The following KIAA1614 variants were observed in gnomAD, a reference collection of about 807,000 sequenced individuals.
The protein encoded by KIAA1614 is KIAA1614, also known as uncharacterized protein KIAA1614.
Under a neutral mutation model 88.7 loss-of-function variants are expected in KIAA1614, and 76 were observed. That is an observed-to-expected ratio of 0.86 (90% CI 0.71 to 1.04). The LOEUF (loss-of-function observed/expected upper bound fraction) is 1.04, where lower values mean the gene tolerates loss of function less well. Ranked by LOEUF, KIAA1614 falls within the 50% of genes least tolerant of loss-of-function variation. KIAA1614 has a pLI of 0.00. For synonymous variants in KIAA1614, 714 were observed against 675.5 expected (o/e 1.06, Z -0.88); for missense variants, 1,553 against 1,582.5 (o/e 0.98, Z 0.32).
chr1:180,942,938 T>C (rs1485610745), intron 7 of KIAA1614, among the ~76,000 whole-genome samples: 4 of 152,106 alleles, frequency 2.6e-5, no homozygotes, highest in African/African-American at 9.7e-5. Flanking sequence ...GAAGAATCTG[T>C]CTCCCCTGCA....
intron 8 of KIAA1614, 69 bp from the exon 9 acceptor site, chr1:180,945,234 A>T: frequency 6.7e-7 from 1 of 1,491,190 alleles, no homozygotes; most frequent in Non-Finnish European, 8.9e-7. Flanking sequence ...GGTCATCTGT[A>T]AGCCAGGGAA....
At position 180,916,196 on chromosome 1, in the gene KIAA1614, G is replaced by C; in HGVS notation, c.93G>C (p.Gly31=). The C allele has an allele frequency of 6.2e-7, 1 of 1,600,730 alleles. No homozygotes were observed. The highest frequency in any genetic ancestry group is 2.2e-5 in the East Asian group (1 of 44,784). Residue 31 remains glycine (G), a synonymous_variant, in exon 2 of 9, where the codon GGG becomes GGC. Coordinates refer to ENST00000367588, the MANE Select transcript of KIAA1614 (RefSeq NM_020950.2). ...GTGGAACAGCCAGCCCCGTGGAGGG[G>C]ACCTCAGCTGTGGAGTGGAGTGGTC... ...TGSGTASPVE[G]TSAVEWSGPE...
At chr1:180,927,677 A>G (rs1221387259) in intron 3 of KIAA1614, among the ~76,000 whole-genome samples, 1 of 151,958 alleles carries the variant, frequency 6.6e-6, no homozygotes, top group Non-Finnish European at 1.5e-5. Context: ...GACTGCTGTC[A>G]TTTTCTGCCA....
chr1:180,942,242 A>G (rs1023005729), intron 7 of KIAA1614, among the ~76,000 whole-genome samples: 5 of 152,232 alleles, frequency 3.3e-5, no homozygotes, highest in Non-Finnish European at 7.3e-5. Flanking sequence ...CAGTACGCAC[A>G]ATACATACTG....
chr1:180,936,748 C>T, intron 5 of KIAA1614, 78 bp downstream of exon 5: 1 of 927,448 alleles, frequency 1.1e-6, no homozygotes. Context: ...CAATCCATGA[C>T]ACACAGGCCT....
In KIAA1614 at chr1:180,913,170, G is replaced by A; in HGVS notation, c.-74G>A. ...TCCCTCCGGCCCCGGATTCGGGGCT[G>A]GAAGTCCCTCCCCGAACCCAGCAGC... On this transcript the variant is annotated 5_prime_UTR_variant, in exon 1 of 9. Transcript: ENST00000367588. 8.7e-7 allele frequency: 1 copy of A among 1,152,166 alleles called. No homozygotes were observed. Among genetic ancestry groups the A allele is most frequent in the Non-Finnish European group, 1.1e-6 (1 of 904,630 alleles). The allele number at this position is 1,152,166 out of a possible 1,614,324, so 71.4% of individuals were successfully genotyped here.
chr1:180,935,627 T>C lies in KIAA1614; in HGVS notation c.1718T>C (p.Leu573Pro). The C allele has an allele frequency of 6.2e-7, 1 of 1,611,784 alleles. No homozygotes were observed. Among genetic ancestry groups the C allele is most frequent in the Non-Finnish European group, 8.5e-7 (1 of 1,179,134 alleles). Reference sequence around the variant, plus strand: ...GCTGCCTGTGGGATGGAGAGGGTGCTGGGTGGCCTGAGCTCCCCACTCCGG... The same window carrying C: ...GCTGCCTGTGGGATGGAGAGGGTGCCGGGTGGCCTGAGCTCCCCACTCCGG... ...LQAACGMERV[L>P]GGLSSPLRLL... Residue 573 changes from leucine (L) to proline (P), a missense_variant, in exon 5 of 9, where the codon CTG (leucine) becomes CCG (proline). Leu to Pro is a moderately conservative substitution (Grantham distance 98, BLOSUM62 -3). Coordinates refer to ENST00000367588, the MANE Select transcript of KIAA1614 (RefSeq NM_020950.2). This position sits in a 1 kb window ranked among gnomAD's most constrained non-coding sequence, Gnocchi z 6.1.
intron 1 of KIAA1614, among the ~76,000 whole-genome samples, chr1:180,914,746 T>A (rs1049191697): frequency 2.0e-5 from 3 of 152,020 alleles, no homozygotes; most frequent in Non-Finnish European, 4.4e-5. Flanking sequence ...TTATTTATTT[T>A]TTTTATTTTT....
At chr1:180,933,191 A>G (rs1185767849) in intron 4 of KIAA1614, among the ~76,000 whole-genome samples, 3 of 152,194 alleles carry the variant, frequency 2.0e-5, no homozygotes, top group Non-Finnish European at 4.4e-5. Context: ...ATAGAAGTCA[A>G]ATGCTACTAG....
At position 180,936,219 on chromosome 1, in the gene KIAA1614, C is replaced by G. The variant is rs775832303; in HGVS notation, c.2310C>G (p.His770Gln). ...PGGQAQVTES[H>Q]ESLEIVSPSS... is the part of the protein sequence containing the mutation. ...GCCAGGCCCAGGTTACAGAAAGCCA[C>G]GAGTCCCTGGAAATTGTCTCTCCTT... The change falls in exon 5 of 9, where the codon CAC becomes CAG. Residue 770 changes from histidine to glutamine, a missense_variant. Transcript: ENST00000367588. The G allele has an allele frequency of 1.9e-6, 3 of 1,614,172 alleles. No individual in the cohort carries two copies. The highest frequency in any genetic ancestry group is 2.2e-5 in the South Asian group (2 of 91,082).
rs1343020878 is a variant in KIAA1614 at position 180,936,043 on chromosome 1, C to A, written c.2134C>A (p.Leu712Met). The A allele has an allele frequency of 6.2e-7, 1 of 1,614,044 alleles. No individual in the cohort carries two copies. Among genetic ancestry groups the A allele is most frequent in the Non-Finnish European group, 8.5e-7 (1 of 1,179,996 alleles). The stretch of plus-strand genomic sequence containing the variant: ...GAGAGAAGATGCCAAGCCTCCTGAC[C>A]TGGAGTTGAAGCGGGTGTCCCTGGG... The part of the protein sequence containing the change: ...FLREDAKPPD[L>M]ELKRVSLGPQ... The change falls in exon 5 of 9, where the codon CTG becomes ATG. Residue 712 changes from leucine (L) to methionine (M), a missense_variant. Leu to Met is a conservative substitution (Grantham distance 15). Transcript: ENST00000367588.
intron 4 of KIAA1614, among the ~76,000 whole-genome samples, chr1:180,933,941 C>T (rs1043831901): frequency 3.0e-5 from 4 of 131,954 alleles, no homozygotes; most frequent in African/African-American, 5.6e-5. Flanking sequence ...GTGGAAACTT[C>T]GGGAGCAATT....
intron 3 of KIAA1614, 178 bp from the exon 4 acceptor site, chr1:180,928,252 G>T (rs1284764657): frequency 1.4e-6 from 1 of 715,208 alleles, no homozygotes; most frequent in Non-Finnish European, 2.2e-6. Flanking sequence ...CCAGCCCCAG[G>T]CCCCAGGCCC....
chr1:180,928,240 T>A, intron 3 of KIAA1614, 190 bp from the exon 4 acceptor site: 1 of 652,650 alleles, frequency 1.5e-6, no homozygotes, highest in Non-Finnish European at 2.4e-6. Context: ...CAGGGCCATT[T>A]CCCAGCCCCA....
rs746001011 is a variant in KIAA1614 at position 180,936,278 on chromosome 1, C to T, written c.2369C>T (p.Ala790Val). 1.2e-5 allele frequency: 20 copies of T among 1,614,034 alleles called. No individual in the cohort carries two copies. The highest frequency in any genetic ancestry group is 1.2e-4 in the Admixed American group (7 of 60,004). The change falls in exon 5 of 9, where the codon GCC (alanine) becomes GTC (valine). Residue 790 changes from alanine to valine, a missense_variant. Coordinates refer to ENST00000367588, the MANE Select transcript of KIAA1614 (RefSeq NM_020950.2). ...SLQQSHAEPS[A>V]PHQAWQPTAS... ...CAACAGAGCCATGCAGAGCCTTCTGCCCCACACCAAGCCTGGCAGCCAACA... is the reference window on the plus strand; with the variant it reads ...CAACAGAGCCATGCAGAGCCTTCTGTCCCACACCAAGCCTGGCAGCCAACA...
At chr1:180,930,291 C>T (rs1490562381) in intron 4 of KIAA1614, among the ~76,000 whole-genome samples, 1 of 152,054 alleles carries the variant, frequency 6.6e-6, no homozygotes, top group Non-Finnish European at 1.5e-5. Context: ...TGGTGGCGGG[C>T]ACCTGTAGTC....
At chr1:180,938,329 AAT>A (rs1654377306) in intron 5 of KIAA1614, among the ~76,000 whole-genome samples, 1 of 152,096 alleles carries the variant, frequency 6.6e-6, no homozygotes. Flanking sequence ...CCTGTCCTCA[AAT>A]AGTTTCCAGC....
intron 7 of KIAA1614, 42 bp downstream of exon 7, chr1:180,941,327 G>T: frequency 1.3e-6 from 2 of 1,566,202 alleles, no homozygotes; most frequent in Non-Finnish European, 1.7e-6. Flanking sequence ...AGCCAGTAGC[G>T]GTGCAACCAC....
Position 180,916,237 on chromosome 1 carries a change from A to T in KIAA1614, c.134A>T (p.Asp45Val). Residue 45 changes from aspartate to valine, a missense_variant, in exon 2 of 9, where the codon GAT (aspartate) becomes GTT (valine). Physicochemically the swap from Asp to Val is radical, Grantham distance 152. Coordinates refer to ENST00000367588, the MANE Select transcript of KIAA1614 (RefSeq NM_020950.2). ...VEWSGPEPQL[D>V]NGHPPRPWPC... ...TGGAGTGGTCCTGAGCCACAGCTGGATAACGGACACCCCCCAAGACCCTGG... is the reference window on the plus strand; with the variant it reads ...TGGAGTGGTCCTGAGCCACAGCTGGTTAACGGACACCCCCCAAGACCCTGG... The T allele has an allele frequency of 6.2e-7, 1 of 1,613,440 alleles. No individual in the cohort carries two copies. The highest frequency in any genetic ancestry group is 8.5e-7 in the Non-Finnish European group (1 of 1,179,942).
Sources: allele counts gnomAD v4.1 joint callset (sites outside exome capture counted in the v4.1 genomes callset), GRCh38; gene constraint gnomAD v4.1.1; non-coding constraint Gnocchi (gnomAD v3.1); transcripts MANE v1.5; gene names NCBI Gene and HGNC (gene_info 2026-07-23, HGNC 2026-07-21).